HTR2C: variants seen among roughly 807,000 people sequenced by gnomAD.
HTR2C encodes 5-hydroxytryptamine receptor 2C, also known as 5-hydroxytryptamine (serotonin) receptor 2C, G protein-coupled.
A neutral mutation model predicts 21.0 loss-of-function variants in HTR2C; 5 were observed. The observed-to-expected ratio is 0.24, with a 90% CI of 0.12 to 0.50. The LOEUF is 0.50. HTR2C is among the 20% of genes least tolerant of loss of function. HTR2C has a pLI of 0.98. For missense variants in HTR2C, 271 were observed against 371.2 expected (o/e 0.73, Z 2.22); for synonymous variants, 150 against 145.3 (o/e 1.03, Z -0.23).
chrX:114,793,430 C>T (rs964786573), intron 4 of HTR2C, among the ~76,000 whole-genome samples: 1 of 111,526 alleles, frequency 9.0e-6, no homozygotes, highest in Non-Finnish European at 1.9e-5. Context: ...CTTTTTGTTT[C>T]TTGGACATAG....
chrX:114,769,739 A>G (rs1159022142), intron 4 of HTR2C, among the ~76,000 whole-genome samples: 2 of 111,461 alleles, frequency 1.8e-5, no homozygotes, highest in African/African-American at 6.5e-5. Context: ...TGCAAATTAC[A>G]TTTTTATACA....
chrX:114,606,989 T>G (rs1928479016), intron 1 of HTR2C, among the ~76,000 whole-genome samples: 2 of 102,488 alleles, frequency 2.0e-5, no homozygotes, highest in Non-Finnish European at 2.0e-5. Context: ...CGGGCAGGAG[T>G]GGGGGTCGCA....
intron 4 of HTR2C, among the ~76,000 whole-genome samples, chrX:114,740,306 G>A (rs969114145): frequency 3.7e-5 from 4 of 109,544 alleles, no homozygotes; most frequent in African/African-American, 1.3e-4. Context: ...AATATGACAA[G>A]CTTGAATTGC....
intron 4 of HTR2C, among the ~76,000 whole-genome samples, chrX:114,759,594 A>C (rs2069845876): frequency 8.9e-6 from 1 of 112,125 alleles, no homozygotes; most frequent in Non-Finnish European, 1.9e-5. Context: ...GTAAGTTTAA[A>C]ATAATCCTTG....
intron 1 of HTR2C, among the ~76,000 whole-genome samples, chrX:114,594,374 T>C (rs782523783): frequency 9.0e-6 from 1 of 111,507 alleles, no homozygotes; most frequent in East Asian, 2.8e-4. Flanking sequence ...GATATTTTAC[T>C]TTTGGGGAGA....
intron 4 of HTR2C, among the ~76,000 whole-genome samples, chrX:114,759,156 C>T (rs782567740): frequency 3.8e-4 from 42 of 111,898 alleles, no homozygotes; most frequent in African/African-American, 1.3e-3. Context: ...AATTAAATTT[C>T]CTCTTTTATA....
rs782111145 is a variant in HTR2C at position 114,727,038 on chromosome X, TA to T, written c.35+74del. 15 of 643,340 alleles carry T rather than the reference TA, an allele frequency of 2.3e-5. No homozygotes were observed. In the African/African-American group the frequency reaches 2.6e-4, roughly 11 times the overall value. 53.0% of individuals were successfully genotyped at this position (643,340 alleles called of 1,213,427 possible). A position where few individuals can be genotyped will look rare whatever the true frequency, so the allele number is the denominator to read the frequency against. ...TTGCTTGGTAGCTTGCTCAACATGT[TA>T]AAAAAATGCTTCTATATGATCAGCT... On this transcript the variant is annotated intron_variant, in intron 3 of 5. Transcript: ENST00000276198.
chrX:114,819,365 T>G (rs782148297), intron 4 of HTR2C, among the ~76,000 whole-genome samples: 48 of 111,808 alleles, frequency 4.3e-4, no homozygotes, highest in African/African-American at 1.5e-3. Context: ...AGAAAAAAAT[T>G]TATTTCTTAT....
chrX:114,758,408 C>CA (rs1216749203), intron 4 of HTR2C, among the ~76,000 whole-genome samples: 2 of 108,114 alleles, frequency 1.8e-5, no homozygotes, highest in African/African-American at 6.7e-5. Flanking sequence ...CAAAAAAAAC[C>CA]AAAAAAATAG....
intron 4 of HTR2C, among the ~76,000 whole-genome samples, chrX:114,731,956 A>G (rs1182104477): frequency 4.5e-5 from 5 of 111,444 alleles, no homozygotes; most frequent in Non-Finnish European, 9.4e-5. Context: ...CATACCTACT[A>G]CCATCTCTGA....
chrX:114,722,265 A>T (rs1933250521), intron 2 of HTR2C, among the ~76,000 whole-genome samples: 1 of 110,613 alleles, frequency 9.0e-6, no homozygotes, highest in South Asian at 3.9e-4. Flanking sequence ...TAGGTATTTT[A>T]TTCTCTTTGA....
chrX:114,757,235 T>C (rs1477298681), intron 4 of HTR2C, among the ~76,000 whole-genome samples: 1 of 111,537 alleles, frequency 9.0e-6, no homozygotes, highest in African/African-American at 3.2e-5. Context: ...CATTCTATTA[T>C]GGATTAACTC....
chrX:114,701,686 C>G (rs1403295489), intron 2 of HTR2C, among the ~76,000 whole-genome samples: 2 of 112,357 alleles, frequency 1.8e-5, no homozygotes, highest in African/African-American at 6.5e-5. Flanking sequence ...AGTTCCTCAC[C>G]AGCAACGGAA....
intron 5 of HTR2C, among the ~76,000 whole-genome samples, chrX:114,864,939 T>A (rs1269776825): frequency 1.0e-4 from 11 of 107,370 alleles, no homozygotes; most frequent in Non-Finnish European, 1.9e-4. Flanking sequence ...AAATATATCA[T>A]TCCATTCTCT....
At position 114,898,862 on chromosome X, in the gene HTR2C, G is replaced by A. The variant is rs183650446; in HGVS notation, c.551-7727G>A. Among the ~76,000 whole-genome samples the A allele has an allele frequency of 2.3e-3, 253 of 111,852 alleles. 2 individuals are homozygous for A. Among genetic ancestry groups the A allele is most frequent in the Non-Finnish European group, 3.5e-3 (186 of 53,200 alleles). Reference sequence around the variant, plus strand: ...AGCTTTGTTCTTTTTGCTTAGGATTGCCTTGGCTATTTGGGCTCTTTTTTG... The same window carrying A: ...AGCTTTGTTCTTTTTGCTTAGGATTACCTTGGCTATTTGGGCTCTTTTTTG... On this transcript the variant is annotated intron_variant, in intron 5 of 5. Coordinates refer to ENST00000276198, the MANE Select transcript of HTR2C (RefSeq NM_000868.4).
At chrX:114,787,946 CAAAAAAA>C (rs1204419085) in intron 4 of HTR2C, among the ~76,000 whole-genome samples, 1 of 33,784 alleles carries the variant, frequency 3.0e-5, no homozygotes, top group Non-Finnish European at 5.8e-5. Flanking sequence ...GACTCTGTCT[CAAAAAAA>C]AAAAAAAAAA....
At chrX:114,793,972 C>G (rs1409009926) in intron 4 of HTR2C, among the ~76,000 whole-genome samples, 2 of 108,811 alleles carry the variant, frequency 1.8e-5, no homozygotes, top group Non-Finnish European at 3.8e-5. Context: ...TAGCGAGTAT[C>G]AGAGAGAGAG....
At position 114,706,718 on chromosome X, in the gene HTR2C, A is replaced by C. The variant is rs1461776813; in HGVS notation, c.-79-20140A>C. ...TAAAACTTAAAGTATAATAATAATC[A>C]AATAAAAATAATAAAAAAGAATGAA... is the stretch of plus-strand genomic sequence containing the variant. On this transcript the variant is annotated intron_variant, in intron 2 of 5. Coordinates refer to ENST00000276198, the MANE Select transcript of HTR2C (RefSeq NM_000868.4). 4.5e-5 allele frequency among the ~76,000 whole-genome samples: 5 copies of C among 110,353 alleles called. No homozygotes were observed. The Admixed American group carries it at 4.9e-4, about 11-fold the overall frequency.
chrX:114,877,822 T>C (rs1556478693), intron 5 of HTR2C, among the ~76,000 whole-genome samples: 1 of 111,057 alleles, frequency 9.0e-6, no homozygotes, highest in African/African-American at 3.3e-5. Context: ...GAAAATGTAT[T>C]TGATACAATT....
Sources: gnomAD v4.1 joint callset for allele counts (sites outside exome capture counted in the v4.1 genomes callset) on GRCh38, gnomAD v4.1.1 for gene constraint, MANE v1.5 for transcripts, NCBI Gene and HGNC (gene_info 2026-07-23, HGNC 2026-07-21) for gene names.